Variants in PLEKHH2 observed in about 807,000 individuals in gnomAD.
The protein encoded by PLEKHH2 is pleckstrin homology domain-containing family H member 2.
Under a neutral mutation model 187.9 loss-of-function variants are expected in PLEKHH2, and 129 were observed. The observed-to-expected ratio is 0.69, with a 90% confidence interval of 0.59 to 0.79. The LOEUF (loss-of-function observed/expected upper bound fraction) is 0.79, where lower values mean the gene tolerates loss of function less well. Ranked by LOEUF, PLEKHH2 falls within the 30% of genes least tolerant of loss-of-function variation. The pLI, the probability that PLEKHH2 is intolerant of heterozygous loss-of-function variation, is 0.00. For synonymous variants in PLEKHH2, 686 were observed against 605.6 expected (o/e 1.13, Z -1.95); for missense variants, 2,076 against 1,751.2 (o/e 1.19, Z -3.31).
Position 43,762,368 on chromosome 2 carries a change from G to C in PLEKHH2, c.4136G>C (p.Ser1379Thr). The C allele has an allele frequency of 6.2e-7, 1 of 1,611,794 alleles. No individual in the cohort carries two copies. Among genetic ancestry groups the C allele is most frequent in the East Asian group, 2.2e-5 (1 of 44,808 alleles). ...CTGGCTGTACATGAGGATGGTTTAA[G>C]CCTCTTAGAATACAACTCCATGGTA... ...LWLAVHEDGL[S>T]LLEYNSMRLI... Residue 1379 changes from serine to threonine, a missense_variant, in exon 28 of 30, where the codon AGC becomes ACC. Coordinates refer to ENST00000282406, the MANE Select transcript of PLEKHH2 (RefSeq NM_172069.4).
chr2:43,683,441 C>CT lies in PLEKHH2; in HGVS notation c.186+4525dup, dbSNP rs1177980891. Among the ~76,000 whole-genome samples, 15 of 150,998 alleles carry CT rather than the reference C, an allele frequency of 9.9e-5. No homozygotes were observed. In the East Asian group the frequency reaches 1.7e-3, roughly 18 times the overall value. ...GGTGTGAGCCACCTCGCCCGGCCCTCTTTTTTTTTGTTTTTAATAGTTAGT... is the reference window on the plus strand; with the variant it reads ...GGTGTGAGCCACCTCGCCCGGCCCTCTTTTTTTTTTGTTTTTAATAGTTAGT... On this transcript the variant is annotated intron_variant, in intron 3 of 29. Coordinates refer to ENST00000282406, the MANE Select transcript of PLEKHH2 (RefSeq NM_172069.4).
Position 43,765,782 on chromosome 2 carries a change from TAAACAC to T in PLEKHH2, c.*188_*193del. ...TCAAATAAATATTAACAGTAAAACA[TAAACAC>T]AAAATTTGCCAACACACTAATTTTC... On this transcript the variant is annotated 3_prime_UTR_variant, in exon 30 of 30. Coordinates refer to ENST00000282406, the MANE Select transcript of PLEKHH2 (RefSeq NM_172069.4). 1 of 536,672 alleles carries T rather than the reference TAAACAC, an allele frequency of 1.9e-6. No individual in the cohort carries two copies. The highest frequency in any genetic ancestry group is 3.0e-6 in the Non-Finnish European group (1 of 335,240). The allele number at this position is 536,672 out of a possible 1,614,324, so 33.2% of individuals were successfully genotyped here. A position where few individuals can be genotyped will look rare whatever the true frequency, so the allele number is the denominator to read the frequency against.
At chr2:43,728,265 G>T (rs1324117354) in intron 17 of PLEKHH2, among the ~76,000 whole-genome samples, 1 of 151,814 alleles carries the variant, frequency 6.6e-6, no homozygotes, top group Non-Finnish European at 1.5e-5. Context: ...GATCACCTGA[G>T]GTCAGGAGTT....
chr2:43,676,197 G>A (rs752748567), intron 2 of PLEKHH2: 1 of 1,614,020 alleles, frequency 6.2e-7, no homozygotes, highest in South Asian at 1.1e-5. Context: ...GAAGGTGATG[G>A]TGCTCGTGGT....
intron 1 of PLEKHH2, among the ~76,000 whole-genome samples, chr2:43,643,718 C>A (rs1225748080): frequency 6.6e-6 from 1 of 152,058 alleles, no homozygotes; most frequent in Non-Finnish European, 1.5e-5. Context: ...CATAGCAGGG[C>A]AGTTCATAGC....
intron 2 of PLEKHH2, among the ~76,000 whole-genome samples, chr2:43,647,464 G>T (rs1217327249): frequency 6.6e-6 from 1 of 152,012 alleles, no homozygotes; most frequent in Non-Finnish European, 1.5e-5. Context: ...CACCTTCCTT[G>T]CCTTCTCTGA....
chr2:43,746,090 G>C lies in PLEKHH2; in HGVS notation c.3653+127G>C, dbSNP rs545964728. 5.6e-3 allele frequency: 3,058 copies of C among 545,140 alleles called. 11 individuals carry two copies. The highest frequency in any genetic ancestry group is 9.4e-3 in the Admixed American group (229 of 24,422). 33.8% of individuals were successfully genotyped at this position (545,140 alleles called of 1,614,324 possible). A position where few individuals can be genotyped will look rare whatever the true frequency, so the allele number is the denominator to read the frequency against. ...TTTGTAAGTTTGTCTTTCTATAAAT[G>C]ATAACTCTGTTTCTATAGGAAAAAA... On this transcript the variant is annotated intron_variant, in intron 24 of 29. Coordinates refer to ENST00000282406, the MANE Select transcript of PLEKHH2 (RefSeq NM_172069.4).
chr2:43,748,407 G>A (rs959282313), intron 24 of PLEKHH2, among the ~76,000 whole-genome samples: 1 of 152,222 alleles, frequency 6.6e-6, no homozygotes, highest in African/African-American at 2.4e-5. Flanking sequence ...GGGAAGGACA[G>A]CAGGCTAGAA....
At chr2:43,760,359 C>CTTTTTTTTTTTTTTTT (rs763777313) in intron 27 of PLEKHH2, among the ~76,000 whole-genome samples, 1 of 119,076 alleles carries the variant, frequency 8.4e-6, no homozygotes, top group African/African-American at 3.5e-5. Context: ...ACCCTTTAAC[C>CTTTTTTTTTTTTTTTT]TTTTTTTTTT....
intron 3 of PLEKHH2, among the ~76,000 whole-genome samples, chr2:43,691,290 G>A (rs189362408): frequency 2.0e-5 from 3 of 152,346 alleles, no homozygotes; most frequent in East Asian, 1.9e-4. Context: ...GCGGAGAGGG[G>A]ATGTTGGGGG....
intron 2 of PLEKHH2, among the ~76,000 whole-genome samples, chr2:43,677,741 G>C (rs1667897101): frequency 6.6e-6 from 1 of 151,640 alleles, no homozygotes; most frequent in African/African-American, 2.4e-5. Context: ...GTGGTGGCCG[G>C]GCAGAGGGGC....
At chr2:43,759,119 G>T in intron 27 of PLEKHH2, 90 bp downstream of exon 27, 3 of 1,412,706 alleles carry the variant, frequency 2.1e-6, no homozygotes, top group Non-Finnish European at 9.4e-7. Context: ...CTTGGCTTTT[G>T]TAAAAAATGA....
In PLEKHH2 at chr2:43,757,100, T is replaced by G; in HGVS notation, c.3796-19T>G. ...AAACTCTTTTCAATATATTTTCACTTTTGTGGATTTCCAATTAGGTAGAGA... is the reference window on the plus strand; with the variant it reads ...AAACTCTTTTCAATATATTTTCACTGTTGTGGATTTCCAATTAGGTAGAGA... On this transcript the variant is annotated intron_variant, in intron 25 of 29. Coordinates refer to ENST00000282406, the MANE Select transcript of PLEKHH2 (RefSeq NM_172069.4). 1 of 1,542,624 alleles carries G rather than the reference T, an allele frequency of 6.5e-7. No individual in the cohort carries two copies. The highest frequency in any genetic ancestry group is 8.7e-7 in the Non-Finnish European group (1 of 1,150,920).
At chr2:43,746,338 C>T (rs536521416) in intron 24 of PLEKHH2, among the ~76,000 whole-genome samples, 4 of 152,194 alleles carry the variant, frequency 2.6e-5, no homozygotes, top group Admixed American at 6.5e-5. Context: ...GGCAAAACCC[C>T]GCCTCTACTA....
chr2:43,641,501 A>ATT (rs34581594), intron 1 of PLEKHH2, among the ~76,000 whole-genome samples: 183 of 149,964 alleles, frequency 1.2e-3, no homozygotes, highest in Non-Finnish European at 1.3e-3. Context: ...TTGTTTTGCA[A>ATT]TTTTTTTTTT....
rs112955837 is a variant in PLEKHH2, at chr2:43,734,691, G to C, written c.2943+3089G>C. On this transcript the variant is annotated intron_variant, in intron 19 of 29. Coordinates refer to ENST00000282406, the MANE Select transcript of PLEKHH2 (RefSeq NM_172069.4). Reference sequence around the variant, plus strand: ...TACAGCAACTTTGAAAAACAGTATGGAGGTTCCTCAAAAAACTAAAAATAG... The same window carrying C: ...TACAGCAACTTTGAAAAACAGTATGCAGGTTCCTCAAAAAACTAAAAATAG... Among the ~76,000 whole-genome samples, 1,216 of 152,338 alleles carry C rather than the reference G, an allele frequency of 8.0e-3. 18 individuals are homozygous for C. The highest frequency in any genetic ancestry group is 0.028 in the African/African-American group (1,148 of 41,560).
chr2:43,765,423 T>A lies in PLEKHH2; in HGVS notation c.4307T>A (p.Ile1436Asn). 1 of 1,613,992 alleles carries A rather than the reference T, an allele frequency of 6.2e-7. No homozygotes were observed. The highest frequency in any genetic ancestry group is 1.1e-5 in the South Asian group (1 of 91,070). ...TTTTCCTTGTTTTAGATTCTTGAAATCACTCTTTTGATCGCCAGTTACATA... is the reference window on the plus strand; with the variant it reads ...TTTTCCTTGTTTTAGATTCTTGAAAACACTCTTTTGATCGCCAGTTACATA... ...FAMAKPKILE[I>N]TLLIASYINN... The change falls in exon 30 of 30, where the codon ATC becomes AAC. Residue 1436 changes from isoleucine (I) to asparagine (N), a missense_variant. By Grantham distance (149) the Ile-to-Asn change is moderately radical. Transcript: ENST00000282406.
intron 2 of PLEKHH2, among the ~76,000 whole-genome samples, chr2:43,672,924 T>A (rs938049268): frequency 2.6e-5 from 4 of 152,222 alleles, no homozygotes; most frequent in Non-Finnish European, 5.9e-5. Context: ...GTAAATTTTT[T>A]AACAAACATT....
At chr2:43,693,637 C>T (rs1036693109) in intron 4 of PLEKHH2, among the ~76,000 whole-genome samples, 38 of 147,060 alleles carry the variant, frequency 2.6e-4, no homozygotes, top group Admixed American at 2.3e-3. Context: ...CGCAGGAGAG[C>T]GGCGTGAACC....
Sources: gnomAD v4.1 joint callset for allele counts (sites outside exome capture counted in the v4.1 genomes callset) on GRCh38, gnomAD v4.1.1 for gene constraint, MANE v1.5 for transcripts, NCBI Gene and HGNC (gene_info 2026-07-23, HGNC 2026-07-21) for gene names.